The following PRH1 variants were observed in gnomAD, a reference collection of about 807,000 sequenced individuals.
PRH1 encodes the protein salivary acidic proline-rich phosphoprotein 1/2.
Under a neutral mutation model 7.9 loss-of-function variants are expected in PRH1, and 7 were observed. The ratio of observed to expected loss-of-function variants is 0.89; its 90% confidence interval spans 0.50 to 1.67. The LOEUF is 1.67. PRH1 is among the 40% of genes most tolerant of loss of function. The probability of loss-of-function intolerance (pLI) is 0.00; values close to 1 mark genes in which losing one functional copy is unlikely to be tolerated. For synonymous variants in PRH1, 45 were observed against 80.8 expected (o/e 0.56, Z 2.38); for missense variants, 109 against 223.6 (o/e 0.49, Z 3.27).
chr12:11,061,524 G>C lies in PRH1; in HGVS notation n.124-14336C>G, dbSNP rs776162761. 10 of 1,614,120 alleles carry C rather than the reference G, an allele frequency of 6.2e-6. No individual in the cohort carries two copies. The South Asian group carries it at 1.1e-4, about 18-fold the overall frequency. Reference sequence around the variant, plus strand: ...CTTCGCAGAACATGAAGACAGGTTTGTTTTCCAGACTCTCAAAACTCCAAA... The same window carrying C: ...CTTCGCAGAACATGAAGACAGGTTTCTTTTCCAGACTCTCAAAACTCCAAA... On this transcript the variant is annotated intron_variant and non_coding_transcript_variant, in intron 1 of 4. Coordinates refer to the PRH1 transcript ENST00000541977.
At chr12:11,089,681 G>C (rs1417538733) in intron 1 of PRH1, among the ~76,000 whole-genome samples, 1 of 119,462 alleles carries the variant, frequency 8.4e-6, no homozygotes, top group Non-Finnish European at 2.0e-5. Context: ...TTTTTGAAAT[G>C]AAATGCCATT....
chr12:11,019,853 G>T (rs1366102875), intron 1 of PRH1, among the ~76,000 whole-genome samples: 1 of 152,302 alleles, frequency 6.6e-6, no homozygotes, highest in African/African-American at 2.4e-5. Flanking sequence ...CTGCTGGGAA[G>T]TTCCCTAACA....
At chr12:11,011,911 G>C (rs892485566) in intron 1 of PRH1, among the ~76,000 whole-genome samples, 4 of 152,068 alleles carry the variant, frequency 2.6e-5, no homozygotes, top group Non-Finnish European at 5.9e-5. Context: ...AATGGAAAAT[G>C]AATTTCAGGC....
At chr12:11,031,835 C>A (rs955887808) in intron 1 of PRH1, among the ~76,000 whole-genome samples, 22 of 152,166 alleles carry the variant, frequency 1.4e-4, no homozygotes, top group South Asian at 4.2e-4. Flanking sequence ...AGTCCCCACT[C>A]GATTCAGAAA....
intron 1 of PRH1, among the ~76,000 whole-genome samples, chr12:11,079,991 T>C (rs1944446043): frequency 7.3e-6 from 1 of 137,924 alleles, no homozygotes; most frequent in Non-Finnish European, 1.6e-5. Context: ...CATAGCAATG[T>C]GTCATAAACA....
At chr12:11,152,661 A>G (rs1315604572) in intron 1 of PRH1, among the ~76,000 whole-genome samples, 1 of 152,182 alleles carries the variant, frequency 6.6e-6, no homozygotes, top group Non-Finnish European at 1.5e-5. Context: ...CTTTAATAGT[A>G]TTACTCACAG....
rs552070537 is a variant in PRH1 at position 10,894,293 on chromosome 12, AG to A, written c.-58-10019del. ...AGATTCTACAGTACAAGTCTGTTGT[AG>A]ATGGTCAAGATTGTAACATTTTTGA... On this transcript the variant is annotated intron_variant, in intron 2 of 3. Transcript: ENST00000539853. Among the ~76,000 whole-genome samples the A allele has an allele frequency of 4.6e-3, 702 of 152,314 alleles. 3 individuals are homozygous for A. The highest frequency in any genetic ancestry group is 7.3e-3 in the Non-Finnish European group (499 of 68,006).
At chr12:11,058,034 G>C (rs995146034) in intron 1 of PRH1, among the ~76,000 whole-genome samples, 1 of 152,132 alleles carries the variant, frequency 6.6e-6, no homozygotes, top group Non-Finnish European at 1.5e-5. Context: ...CCAGGAGTTT[G>C]AAACCAGCCT....
chr12:10,957,726 C>T (rs1938043322), intron 2 of PRH1, among the ~76,000 whole-genome samples: 1 of 151,950 alleles, frequency 6.6e-6, no homozygotes, highest in Non-Finnish European at 1.5e-5. Context: ...AAGCAAAAAA[C>T]AAATACCACC....
At chr12:10,976,387 C>T (rs1279115935) in intron 1 of PRH1, among the ~76,000 whole-genome samples, 2 of 152,112 alleles carry the variant, frequency 1.3e-5, no homozygotes, top group African/African-American at 4.8e-5. Flanking sequence ...AAAAAAGATA[C>T]AACATACCAG....
At chr12:10,939,072 G>T (rs948987950) in intron 2 of PRH1, 1 of 1,613,844 alleles carries the variant, frequency 6.2e-7, no homozygotes, top group African/African-American at 1.3e-5. Context: ...GTGAGGATCC[G>T]ATCAACCGAA....
chr12:11,146,554 T>C (rs187686382), intron 1 of PRH1, among the ~76,000 whole-genome samples: 2 of 152,266 alleles, frequency 1.3e-5, no homozygotes, highest in East Asian at 3.9e-4. Flanking sequence ...ACAGCTAACT[T>C]AGCTGGATTA....
intron 1 of PRH1, among the ~76,000 whole-genome samples, chr12:11,151,786 G>A (rs1302266518): frequency 2.0e-5 from 3 of 152,038 alleles, no homozygotes; most frequent in East Asian, 3.9e-4. Flanking sequence ...TATTATAATT[G>A]GGTACTAAAT....
intron 1 of PRH1, among the ~76,000 whole-genome samples, chr12:11,064,218 C>G (rs35207716): frequency 0.2 from 29,776 of 150,406 alleles, 2,688 homozygotes; most frequent in Non-Finnish European, 0.25. Context: ...GGTATGCAAC[C>G]CTAAACTCCA....
chr12:11,156,906 C>T (rs545474364), intron 1 of PRH1, among the ~76,000 whole-genome samples: 5 of 148,202 alleles, frequency 3.4e-5, no homozygotes, highest in East Asian at 4.0e-4. Context: ...AGTGCAGTGG[C>T]GCGATCTTGG....
intron 1 of PRH1, among the ~76,000 whole-genome samples, chr12:11,142,812 G>A (rs1478350711): frequency 6.6e-6 from 1 of 152,126 alleles, no homozygotes; most frequent in Non-Finnish European, 1.5e-5. Context: ...TAGAAGTGCT[G>A]AAGGAAAAAA....
At chr12:11,001,112 C>T (rs922633777) in intron 1 of PRH1, among the ~76,000 whole-genome samples, 5 of 151,698 alleles carry the variant, frequency 3.3e-5, no homozygotes, top group South Asian at 4.1e-4. Flanking sequence ...CACATCCTTC[C>T]GCAAGTTGGA....
chr12:10,924,012 T>TC (rs1950089424), intron 2 of PRH1, among the ~76,000 whole-genome samples: 1 of 147,800 alleles, frequency 6.8e-6, no homozygotes, highest in South Asian at 2.2e-4. Flanking sequence ...TTTTTTTTTT[T>TC]TGAGACGGAG....
At chr12:10,909,077 G>C in intron 2 of PRH1, 1 of 1,613,512 alleles carries the variant, frequency 6.2e-7, no homozygotes, top group Non-Finnish European at 8.5e-7. Flanking sequence ...ACACAAATAT[G>C]GCTAGATAAT....
Sources: allele counts gnomAD v4.1 joint callset (sites outside exome capture counted in the v4.1 genomes callset), GRCh38; gene constraint gnomAD v4.1.1; transcripts MANE v1.5; gene names NCBI Gene and HGNC (gene_info 2026-07-23, HGNC 2026-07-21).